Variants in TMEM40 observed in about 807,000 individuals in gnomAD.
TMEM40 encodes transmembrane protein 40.
In TMEM40, 34 loss-of-function variants were observed where a neutral mutation model predicts 40.8. The ratio of observed to expected loss-of-function variants is 0.83; its 90% CI spans 0.63 to 1.11. The LOEUF is 1.11. TMEM40 is among the 50% of genes least tolerant of loss of function. The probability of loss-of-function intolerance (pLI) is 0.00; values close to 1 mark genes in which losing one functional copy is unlikely to be tolerated. For synonymous variants in TMEM40, 106 were observed against 107.0 expected, an observed-to-expected ratio of 0.99 and a Z score of 0.06; for missense variants, 296 against 280.2, an observed-to-expected ratio of 1.06 and a Z score of -0.40.
chr3:12,761,527 G>T (rs2061568689), upstream of TMEM40, among the ~76,000 whole-genome samples: 2 of 151,920 alleles, frequency 1.3e-5, no homozygotes, highest in Admixed American at 1.3e-4. Context: ...GATCACTTGA[G>T]CCTGGGAGGT....
upstream of TMEM40, among the ~76,000 whole-genome samples, chr3:12,761,037 C>G (rs550818961): frequency 6.6e-6 from 1 of 152,368 alleles, no homozygotes; most frequent in Non-Finnish European, 1.5e-5. Flanking sequence ...GCATCTGGCC[C>G]TCAATACATT....
chr3:12,736,149 A>ATTT (rs553779357), intron 10 of TMEM40, among the ~76,000 whole-genome samples: 2,031 of 141,042 alleles, frequency 0.014, 48 homozygotes, highest in African/African-American at 0.043. Context: ...GCATAAGGAA[A>ATTT]TTTTTTTTTT....
chr3:12,748,198 C>A (rs2061444282), intron 3 of TMEM40, among the ~76,000 whole-genome samples: 1 of 152,198 alleles, frequency 6.6e-6, no homozygotes, highest in Admixed American at 6.5e-5. Flanking sequence ...CTCTCATCCC[C>A]ATCTTCTAGA....
intron 1 of TMEM40, among the ~76,000 whole-genome samples, chr3:12,768,752 G>T (rs2061606309): frequency 6.6e-6 from 1 of 152,144 alleles, no homozygotes; most frequent in Admixed American, 6.5e-5. Flanking sequence ...CGCACCGGGG[G>T]CCGCAGGTGG....
intron 1 of TMEM40, among the ~76,000 whole-genome samples, chr3:12,756,809 C>T (rs181498621): frequency 2.3e-4 from 35 of 152,018 alleles, no homozygotes; most frequent in African/African-American, 8.0e-4. Context: ...TTCTCTCTCT[C>T]TCACACACAC....
upstream of TMEM40, among the ~76,000 whole-genome samples, chr3:12,759,703 G>A (rs1261729924): frequency 6.6e-6 from 1 of 152,218 alleles, no homozygotes; most frequent in Non-Finnish European, 1.5e-5. Flanking sequence ...GCAGGAGAGA[G>A]GGCCTGGGGG....
intron 1 of TMEM40, 34 bp from the exon 2 acceptor site, chr3:12,749,874 A>T: frequency 1.3e-6 from 2 of 1,572,856 alleles, no homozygotes; most frequent in Non-Finnish European, 1.7e-6. Context: ...AGTTAATATC[A>T]CCTTAGTTAA....
intron 1 of TMEM40, among the ~76,000 whole-genome samples, chr3:12,753,027 C>A (rs1385352084): frequency 6.6e-6 from 1 of 151,930 alleles, no homozygotes; most frequent in East Asian, 1.9e-4. Flanking sequence ...ACTGATGGAG[C>A]CTTGAGTAAT....
chr3:12,750,759 T>C lies in TMEM40; in HGVS notation c.-8-919A>G, dbSNP rs62243681. On this transcript the variant is annotated intron_variant, in intron 1 of 11. Transcript: ENST00000314124. ...CACTGTGGCCAGCCTCTGACTCATTTAAACCATGTTTCTCAGCCTCAACAC... is the reference window on the plus strand; with the variant it reads ...CACTGTGGCCAGCCTCTGACTCATTCAAACCATGTTTCTCAGCCTCAACAC... Among the ~76,000 whole-genome samples, 510 of 152,330 alleles carry C rather than the reference T, an allele frequency of 3.3e-3. 2 individuals are homozygous for C. Among genetic ancestry groups the C allele is most frequent in the Admixed American group, 7.1e-3 (109 of 15,294 alleles).
At chr3:12,737,986 C>T in intron 7 of TMEM40, 150 bp downstream of exon 7, 1 of 1,103,658 alleles carries the variant, frequency 9.1e-7, no homozygotes, top group South Asian at 1.3e-5. Flanking sequence ...TTCCCCTGCA[C>T]TGGAGATCCC....
chr3:12,749,920 G>A, intron 1 of TMEM40, 80 bp from the exon 2 acceptor site: 1 of 1,295,950 alleles, frequency 7.7e-7, no homozygotes, highest in Non-Finnish European at 1.1e-6. Context: ...AAATAAATAA[G>A]AAAAAGACAA....
chr3:12,756,039 T>C (rs577265526), intron 1 of TMEM40, among the ~76,000 whole-genome samples: 6 of 152,128 alleles, frequency 3.9e-5, no homozygotes, highest in African/African-American at 1.2e-4. Context: ...CATTACCACA[T>C]TGGAAAGAGC....
At chr3:12,738,009 T>C (rs747447789) in intron 7 of TMEM40, 127 bp downstream of exon 7, 182 of 1,230,320 alleles carry the variant, frequency 1.5e-4, no homozygotes, top group Non-Finnish European at 2.1e-4. Flanking sequence ...TTCTGAATCA[T>C]AGTGACACTG....
chr3:12,738,701 GC>G, intron 5 of TMEM40, 113 bp from the exon 6 acceptor site: 1 of 1,176,576 alleles, frequency 8.5e-7, no homozygotes, highest in Non-Finnish European at 1.3e-6. Context: ...TCTGGAGTCG[GC>G]CAGGTGGGGA....
At chr3:12,742,351 C>G (rs1003617332) in intron 5 of TMEM40, 103 bp downstream of exon 5, 1 of 1,400,300 alleles carries the variant, frequency 7.1e-7, no homozygotes. Flanking sequence ...TTGGCTGGGA[C>G]TTTTCAGCTC....
chr3:12,763,987 C>A (rs1488404436), upstream of TMEM40, among the ~76,000 whole-genome samples: 2 of 152,254 alleles, frequency 1.3e-5, no homozygotes, highest in Non-Finnish European at 2.9e-5. Context: ...GTGATTTCGG[C>A]TCACTGCAGC....
At chr3:12,754,250 G>T (rs1366585125) in intron 1 of TMEM40, among the ~76,000 whole-genome samples, 14 of 152,080 alleles carry the variant, frequency 9.2e-5, no homozygotes, top group African/African-American at 1.4e-4. Flanking sequence ...AGGTGGAGCT[G>T]GCAGTGAGCC....
upstream of TMEM40, among the ~76,000 whole-genome samples, chr3:12,764,066 C>T (rs899349427): frequency 6.6e-6 from 1 of 152,136 alleles, no homozygotes; most frequent in Non-Finnish European, 1.5e-5. Context: ...CAGGCACCCA[C>T]CACACCTGGC....
At chr3:12,736,928 G>C in intron 8 of TMEM40, 93 bp from the exon 9 acceptor site, 2 of 1,506,526 alleles carry the variant, frequency 1.3e-6, no homozygotes, top group Non-Finnish European at 1.8e-6. Flanking sequence ...ACCCAGGGTG[G>C]AGTGCAGTTG....
Sources: allele counts gnomAD v4.1 joint callset (sites outside exome capture counted in the v4.1 genomes callset), GRCh38; gene constraint gnomAD v4.1.1; transcripts MANE v1.5; gene names NCBI Gene and HGNC (gene_info 2026-07-23, HGNC 2026-07-21).